Variants in CPEB3 observed in about 807,000 individuals in gnomAD.
CPEB3 encodes the protein cytoplasmic polyadenylation element-binding protein 3.
Under a neutral mutation model 67.2 loss-of-function variants are expected in CPEB3, and 20 were observed. That is an observed-to-expected ratio of 0.30 (90% CI 0.21 to 0.43). The LOEUF is 0.43. Ranked by LOEUF, CPEB3 falls within the 20% of genes least tolerant of loss-of-function variation. The probability of loss-of-function intolerance (pLI) is 1.00; values close to 1 mark genes in which losing one functional copy is unlikely to be tolerated. For missense variants in CPEB3, 746 were observed against 968.6 expected, an observed-to-expected ratio of 0.77 and a Z score of 3.05; for synonymous variants, 376 against 393.1, an observed-to-expected ratio of 0.96 and a Z score of 0.51.
intron 2 of CPEB3, among the ~76,000 whole-genome samples, chr10:92,215,736 T>A (rs1317797372): frequency 9.9e-6 from 1 of 100,536 alleles, no homozygotes; most frequent in Non-Finnish European, 2.1e-5. Context: ...CCATGGCGCC[T>A]GGCTTTTTTT....
At chr10:92,130,049 CAAAAAACAAAT>C (rs1845775082) in intron 6 of CPEB3, among the ~76,000 whole-genome samples, 1 of 151,710 alleles carries the variant, frequency 6.6e-6, no homozygotes, top group East Asian at 1.9e-4. Context: ...AACAAACAAA[CAAAAAACAAAT>C]TACAGCCACA....
At chr10:92,243,510 G>A (rs530667978) in intron 1 of CPEB3, among the ~76,000 whole-genome samples, 4 of 152,236 alleles carry the variant, frequency 2.6e-5, no homozygotes, top group African/African-American at 9.6e-5. Flanking sequence ...GCCATAGGAA[G>A]CCAGGATAAA....
At chr10:92,079,679 T>G (rs764246373) in intron 9 of CPEB3, among the ~76,000 whole-genome samples, 2 of 152,216 alleles carry the variant, frequency 1.3e-5, no homozygotes, top group Non-Finnish European at 2.9e-5. Context: ...ATACATGTCT[T>G]AACAAAATAT....
chr10:92,173,270 A>G (rs1190900759), intron 4 of CPEB3, among the ~76,000 whole-genome samples: 1 of 152,172 alleles, frequency 6.6e-6, no homozygotes. Context: ...GAGTAAGTAA[A>G]TTTTCAGTTT....
At chr10:92,066,501 T>A (rs1842553825) in intron 9 of CPEB3, among the ~76,000 whole-genome samples, 1 of 152,188 alleles carries the variant, frequency 6.6e-6, no homozygotes, top group African/African-American at 2.4e-5. Context: ...GGGCACCCCA[T>A]GAAAGGGCCC....
intron 7 of CPEB3, among the ~76,000 whole-genome samples, chr10:92,095,186 C>A (rs1315766485): frequency 6.6e-6 from 1 of 152,120 alleles, no homozygotes; most frequent in Non-Finnish European, 1.5e-5. Context: ...CACTTCATCA[C>A]ATTGCACACA....
At chr10:92,180,675 T>C (rs1488642399) in intron 4 of CPEB3, among the ~76,000 whole-genome samples, 1 of 152,232 alleles carries the variant, frequency 6.6e-6, no homozygotes, top group Non-Finnish European at 1.5e-5. Flanking sequence ...TTTCAAACTT[T>C]AGCCTGAATC....
At chr10:92,201,208 C>T (rs1590371898) in intron 2 of CPEB3, among the ~76,000 whole-genome samples, 1 of 152,028 alleles carries the variant, frequency 6.6e-6, no homozygotes, top group African/African-American at 2.4e-5. Flanking sequence ...ATGACTATGA[C>T]GGTCAGAAGA....
At chr10:92,259,795 T>C (rs535839535) in intron 1 of CPEB3, among the ~76,000 whole-genome samples, 10 of 152,296 alleles carry the variant, frequency 6.6e-5, no homozygotes, top group African/African-American at 2.4e-4. Flanking sequence ...TTAGTAACAA[T>C]TGCAGCTAAC....
chr10:92,289,718 C>CAAAAAAAAA (rs749285662), intron 1 of CPEB3, among the ~76,000 whole-genome samples: 560 of 30,844 alleles, frequency 0.018, 72 homozygotes, highest in African/African-American at 0.036. Flanking sequence ...GCGTCTCTAC[C>CAAAAAAAAA]AAAAAAAAAA....
Position 92,240,138 on chromosome 10 carries a change from C to A in CPEB3, c.213G>T (p.Met71Ile). The A allele has an allele frequency of 6.4e-7, 1 of 1,569,036 alleles. No homozygotes were observed. Among genetic ancestry groups the A allele is most frequent in the Non-Finnish European group, 8.6e-7 (1 of 1,156,706 alleles). The change falls in exon 2 of 10, where the codon ATG (methionine) becomes ATT (isoleucine). Residue 71 changes from methionine to isoleucine, a missense_variant. Coordinates refer to ENST00000265997, the MANE Select transcript of CPEB3 (RefSeq NM_014912.5). Reference protein sequence around the residue: ...APPAPNGPDKMQMESPLLPGL... With the variant: ...APPAPNGPDKIQMESPLLPGL... Reference sequence around the variant, plus strand: ...CTGGCAGGAGCGGTGATTCCATCTGCATCTTGTCCGGGCCGTTGGGGGCCG... The same window carrying A: ...CTGGCAGGAGCGGTGATTCCATCTGAATCTTGTCCGGGCCGTTGGGGGCCG...
chr10:92,249,602 C>G (rs998648270), intron 1 of CPEB3, among the ~76,000 whole-genome samples: 1 of 151,322 alleles, frequency 6.6e-6, no homozygotes, highest in Non-Finnish European at 1.5e-5. Context: ...GAGCTGAGAT[C>G]ACACCATTGC....
intron 6 of CPEB3, among the ~76,000 whole-genome samples, chr10:92,130,768 G>C (rs1486726586): frequency 6.6e-6 from 1 of 151,494 alleles, no homozygotes; most frequent in Non-Finnish European, 1.5e-5. Flanking sequence ...TCTGCACCAA[G>C]GTAAACTTGC....
chr10:92,213,849 C>T (rs1380685229), intron 2 of CPEB3, among the ~76,000 whole-genome samples: 1 of 152,112 alleles, frequency 6.6e-6, no homozygotes, highest in Non-Finnish European at 1.5e-5. Context: ...ACCAAATCTC[C>T]CCAGCACAAA....
chr10:92,239,497 G>A lies in CPEB3; in HGVS notation c.854C>T (p.Pro285Leu), dbSNP rs370884461. The A allele has an allele frequency of 6.3e-6, 10 of 1,583,840 alleles. No individual in the cohort carries two copies. Among genetic ancestry groups the A allele is most frequent in the African/African-American group, 1.3e-5 (1 of 74,746 alleles). The change falls in exon 2 of 10, where the codon CCG (proline) becomes CTG (leucine). Residue 285 changes from proline to leucine, a missense_variant. By Grantham distance (98) the Pro-to-Leu change is moderately conservative. Around this residue, in one of 2 missense-constraint regions of CPEB3, gnomAD observed 643 missense variants for 717.5 expected, o/e 0.90. Transcript: ENST00000265997. This position sits in a 1 kb window ranked among gnomAD's most constrained non-coding sequence, Gnocchi z 6.0. Reference sequence around the variant, plus strand: ...TTTGAGCGGCGAGATGGGGTTGAGCGGGGAAGGCACCCCGACACCCACACC... The same window carrying A: ...TTTGAGCGGCGAGATGGGGTTGAGCAGGGAAGGCACCCCGACACCCACACC... The part of the protein sequence containing the change: ...GVGVGVGVPS[P>L]LNPISPLKKP...
At chr10:92,082,324 G>A (rs1359573436) in intron 8 of CPEB3, among the ~76,000 whole-genome samples, 1 of 152,062 alleles carries the variant, frequency 6.6e-6, no homozygotes, top group Non-Finnish European at 1.5e-5. Context: ...TCGCTCTGTT[G>A]CCCAGGCTGG....
intron 9 of CPEB3, among the ~76,000 whole-genome samples, chr10:92,065,525 A>G (rs1202903880): frequency 6.6e-6 from 1 of 152,060 alleles, no homozygotes; most frequent in Non-Finnish European, 1.5e-5. Context: ...CTGGCTAAAG[A>G]GCATTTCTAA....
At chr10:92,085,770 C>A (rs1401810398) in intron 8 of CPEB3, among the ~76,000 whole-genome samples, 1 of 152,046 alleles carries the variant, frequency 6.6e-6, no homozygotes, top group African/African-American at 2.4e-5. Context: ...TCACCACGCC[C>A]AACTCATTTT....
At chr10:92,271,912 C>G (rs963921308) in intron 1 of CPEB3, among the ~76,000 whole-genome samples, 1 of 152,134 alleles carries the variant, frequency 6.6e-6, no homozygotes, top group Non-Finnish European at 1.5e-5. Context: ...ACCCTTCTAC[C>G]TTAATTGGAA....
Sources: allele counts gnomAD v4.1 joint callset (sites outside exome capture counted in the v4.1 genomes callset), GRCh38; gene constraint gnomAD v4.1.1; regional missense constraint gnomAD v4.1.1; non-coding constraint Gnocchi (gnomAD v3.1); transcripts MANE v1.5; gene names NCBI Gene and HGNC (gene_info 2026-07-23, HGNC 2026-07-21).